KIF2A: variants seen among roughly 807,000 people sequenced by gnomAD.
KIF2A encodes kinesin family member 2A, also known as kinesin-like protein KIF2A.
A neutral mutation model predicts 100.2 loss-of-function variants in KIF2A; 22 were observed. The observed-to-expected ratio is 0.22, with a 90% CI of 0.16 to 0.31. KIF2A has a LOEUF of 0.31. Among genes scored for constraint, KIF2A ranks in the 10% least tolerant of loss-of-function variants. The pLI is 1.00. For missense variants in KIF2A, 495 were observed against 898.7 expected, an observed-to-expected ratio of 0.55 and a Z score of 5.74; for synonymous variants, 268 against 285.9, an observed-to-expected ratio of 0.94 and a Z score of 0.63.
At chr5:62,367,467 A>G (rs1047669098) in intron 16 of KIF2A, among the ~76,000 whole-genome samples, 2 of 151,960 alleles carry the variant, frequency 1.3e-5, no homozygotes, top group Non-Finnish European at 2.9e-5. Context: ...GGGTTTCACT[A>G]TGTTGGCTAG....
At position 62,352,672 on chromosome 5, in the gene KIF2A, C is replaced by A; in HGVS notation, c.419C>A (p.Ser140Tyr). The A allele has an allele frequency of 6.2e-7, 1 of 1,611,114 alleles. No individual in the cohort carries two copies. The highest frequency in any genetic ancestry group is 8.5e-7 in the Non-Finnish European group (1 of 1,178,316). Residue 140 changes from serine to tyrosine, a missense_variant, in exon 5 of 21, where the codon TCT becomes TAT. Coordinates refer to ENST00000407818, the MANE Select transcript of KIF2A (RefSeq NM_001098511.3). ...CAGAATGGTAGTGTTTCAGATATATCTCCAGTTCAAGCTGCAAAAAAGGAA... is the reference window on the plus strand; with the variant it reads ...CAGAATGGTAGTGTTTCAGATATATATCCAGTTCAAGCTGCAAAAAAGGAA... ...AQQNGSVSDI[S>Y]PVQAAKKEFG...
intron 1 of KIF2A, among the ~76,000 whole-genome samples, chr5:62,316,571 A>G (rs899750658): frequency 6.6e-6 from 1 of 152,208 alleles, no homozygotes; most frequent in Non-Finnish European, 1.5e-5. Flanking sequence ...GTATGATACT[A>G]TAAAGGTGGA....
intron 3 of KIF2A, among the ~76,000 whole-genome samples, chr5:62,349,336 C>T (rs961037333): frequency 6.6e-6 from 1 of 151,420 alleles, no homozygotes; most frequent in Non-Finnish European, 1.5e-5. Context: ...TAAAATAAAT[C>T]AGTATTTTTA....
At chr5:62,316,870 C>G (rs1745840943) in intron 1 of KIF2A, among the ~76,000 whole-genome samples, 1 of 151,944 alleles carries the variant, frequency 6.6e-6, no homozygotes, top group Non-Finnish European at 1.5e-5. Context: ...AAATAATGGA[C>G]CAATTAATGA....
chr5:62,340,307 C>T (rs1364886603), intron 1 of KIF2A, among the ~76,000 whole-genome samples: 1 of 152,152 alleles, frequency 6.6e-6, no homozygotes, highest in Non-Finnish European at 1.5e-5. Context: ...GGTAGTTACA[C>T]AGGCATTTGC....
rs1228424555 is a variant in KIF2A at position 62,387,647 on chromosome 5, A to T, written c.*2078A>T. The T allele has an allele frequency of 6.6e-6, 1 of 152,200 alleles. No homozygotes were observed. The highest frequency in any genetic ancestry group is 2.4e-5 in the African/African-American group (1 of 41,462). 9.4% of individuals were successfully genotyped at this position (152,200 alleles called of 1,614,324 possible). A position where few individuals can be genotyped will look rare whatever the true frequency, so the allele number is the denominator to read the frequency against. On this transcript the variant is annotated 3_prime_UTR_variant, in exon 21 of 21. Coordinates refer to ENST00000407818, the MANE Select transcript of KIF2A (RefSeq NM_001098511.3). ...TCAGCAGTTCATAGGGGTAGAGGGA[A>T]ATAACCTGAGAAAGCCGAGTTAAAT...
intron 1 of KIF2A, among the ~76,000 whole-genome samples, chr5:62,317,005 G>A (rs866859683): frequency 2.4e-4 from 36 of 151,426 alleles, no homozygotes; most frequent in Middle Eastern, 7.0e-3. Flanking sequence ...TTTTCAATGA[G>A]CTATAGTATA....
chr5:62,337,177 C>T (rs1747004020), intron 1 of KIF2A, among the ~76,000 whole-genome samples: 1 of 152,096 alleles, frequency 6.6e-6, no homozygotes, highest in Admixed American at 6.6e-5. Context: ...AAAACTCTGC[C>T]ATAGAAAATC....
At chr5:62,340,646 G>A (rs576403775) in intron 1 of KIF2A, among the ~76,000 whole-genome samples, 1 of 152,264 alleles carries the variant, frequency 6.6e-6, no homozygotes, top group African/African-American at 2.4e-5. Flanking sequence ...TGTTATGCCT[G>A]TATGTTGTCA....
chr5:62,375,168 T>C (rs1741487059), intron 18 of KIF2A, among the ~76,000 whole-genome samples: 1 of 152,124 alleles, frequency 6.6e-6, no homozygotes, highest in Admixed American at 6.5e-5. Flanking sequence ...AATAAAAAGG[T>C]ATATATAATA....
intron 19 of KIF2A, among the ~76,000 whole-genome samples, chr5:62,379,340 G>A (rs1307880889): frequency 6.6e-6 from 1 of 151,612 alleles, no homozygotes; most frequent in Non-Finnish European, 1.5e-5. Flanking sequence ...CCAAAATTAA[G>A]TGTACAGCTA....
At chr5:62,383,229 ATTTTTTTTTTTTT>A (rs70977902) in intron 20 of KIF2A, among the ~76,000 whole-genome samples, 20 of 39,104 alleles carry the variant, frequency 5.1e-4, no homozygotes, top group South Asian at 1.5e-3. Flanking sequence ...GCCTGGCCAG[ATTTTTTTTTTTTT>A]TTTTTTTTTT....
chr5:62,318,186 G>A (rs1430093274), intron 1 of KIF2A, among the ~76,000 whole-genome samples: 2 of 151,988 alleles, frequency 1.3e-5, no homozygotes, highest in African/African-American at 2.4e-5. Context: ...TGGTTCAAGC[G>A]ATTCCCCTGC....
At position 62,368,776 on chromosome 5, in the gene KIF2A, T is replaced by TA. The variant is rs879769914; in HGVS notation, c.1646+2308dup. 1.7e-3 allele frequency among the ~76,000 whole-genome samples: 240 copies of TA among 143,832 alleles called. 1 individual carries two copies. The highest frequency in any genetic ancestry group is 0.01 in the South Asian group (47 of 4,506). 94.4% of individuals were successfully genotyped at this position (143,832 alleles called of 152,430 possible). A position where few individuals can be genotyped will look rare whatever the true frequency, so the allele number is the denominator to read the frequency against. ...TGGGCAACAGAGCAAGACCTTGTCT[T>TA]AAAAAAAAAAAAAGTAATAGAACTA... On this transcript the variant is annotated intron_variant, in intron 16 of 20. Coordinates refer to ENST00000407818, the MANE Select transcript of KIF2A (RefSeq NM_001098511.3).
chr5:62,356,099 G>A (rs1284840157), intron 7 of KIF2A, among the ~76,000 whole-genome samples: 1 of 152,066 alleles, frequency 6.6e-6, no homozygotes, highest in East Asian at 1.9e-4. Context: ...ACGCCCAGCC[G>A]GGAATGCTTT....
intron 18 of KIF2A, among the ~76,000 whole-genome samples, chr5:62,375,855 C>T (rs1741518619): frequency 6.6e-6 from 1 of 152,166 alleles, no homozygotes; most frequent in African/African-American, 2.4e-5. Context: ...AGGAGTGTCC[C>T]CCTCACCTTA....
chr5:62,390,560 G>T lies in KIF2A; in HGVS notation c.*4991G>T, dbSNP rs1352924380. On this transcript the variant is annotated 3_prime_UTR_variant, in exon 21 of 21. Transcript: ENST00000407818. ...TGGAGGGATAAGCTATTAAGACTAA[G>T]ACTATGAATGAGAGTTGGGGAAGGA... Among the ~76,000 whole-genome samples the T allele has an allele frequency of 6.6e-6, 1 of 152,170 alleles. No homozygotes were observed. The highest frequency in any genetic ancestry group is 1.5e-5 in the Non-Finnish European group (1 of 68,040).
At chr5:62,355,459 C>T (rs573104490) in intron 7 of KIF2A, among the ~76,000 whole-genome samples, 1 of 152,094 alleles carries the variant, frequency 6.6e-6, no homozygotes, top group Non-Finnish European at 1.5e-5. Flanking sequence ...GATATGCTCC[C>T]TATAGAGATG....
chr5:62,322,529 C>G (rs1257764324), intron 1 of KIF2A, among the ~76,000 whole-genome samples: 1 of 152,130 alleles, frequency 6.6e-6, no homozygotes, highest in Non-Finnish European at 1.5e-5. Context: ...TGTTTATGTT[C>G]TTCCTTGATC....
Sources: gnomAD v4.1 joint callset for allele counts (sites outside exome capture counted in the v4.1 genomes callset) on GRCh38, gnomAD v4.1.1 for gene constraint, MANE v1.5 for transcripts, NCBI Gene and HGNC (gene_info 2026-07-23, HGNC 2026-07-21) for gene names.